COIL: variants seen among roughly 807,000 people sequenced by gnomAD.
COIL encodes coilin p80.
COIL carries 28 observed loss-of-function variants against 51.6 expected under a neutral mutation model. The observed-to-expected ratio is 0.54, with a 90% confidence interval of 0.40 to 0.74. The LOEUF (loss-of-function observed/expected upper bound fraction) is 0.74, where lower values mean the gene tolerates loss of function less well. COIL is among the 30% of genes least tolerant of loss of function. The pLI is 0.00. For missense variants in COIL, 667 were observed against 685.9 expected (o/e 0.97, Z 0.31); for synonymous variants, 233 against 255.8 (o/e 0.91, Z 0.85).
At chr17:56,951,476 CTTTAA>C (rs1052925739) in intron 1 of COIL, 1 of 153,564 alleles carries the variant, frequency 6.5e-6, no homozygotes, top group African/African-American at 2.4e-5. Context: ...GGGCTTCTTT[CTTTAA>C]TAAGATTTTA....
chr17:56,951,383 T>G (rs1910366680), intron 1 of COIL: 1 of 167,172 alleles, frequency 6.0e-6, no homozygotes, highest in African/African-American at 2.4e-5. Flanking sequence ...TTGTCTAACT[T>G]CAAACTCACA....
intron 5 of COIL, among the ~76,000 whole-genome samples, chr17:56,944,679 G>A (rs966335879): frequency 6.6e-6 from 1 of 151,866 alleles, no homozygotes; most frequent in South Asian, 2.1e-4. Flanking sequence ...AAACTCTTTC[G>A]ACTGATTTCT....
intron 6 of COIL, chr17:56,940,133 A>C (rs1338022667): frequency 6.6e-6 from 1 of 152,028 alleles, no homozygotes; most frequent in Admixed American, 6.6e-5. Context: ...ATAGGGTATC[A>C]CGTCTATAGT....
rs779677227 is a variant in COIL at position 56,950,797 on chromosome 17, C to T, written c.445G>A (p.Glu149Lys). ...NNNNEKVLDL[E>K]PKAVTDQTVS... ...GTCTGATCTGTGACAGCTTTTGGTTCCAGATCCAAGACCTTCTCATTATTG... is the reference window on the plus strand; with the variant it reads ...GTCTGATCTGTGACAGCTTTTGGTTTCAGATCCAAGACCTTCTCATTATTG... The change falls in exon 2 of 7, where the codon GAA becomes AAA. Residue 149 changes from glutamate (E) to lysine (K), a missense_variant. Glu to Lys is a moderately conservative substitution (Grantham distance 56). Transcript: ENST00000240316. The T allele has an allele frequency of 1.9e-6, 3 of 1,613,834 alleles. No homozygotes were observed. Among genetic ancestry groups the T allele is most frequent in the Non-Finnish European group, 2.5e-6 (3 of 1,180,000 alleles).
intron 1 of COIL, chr17:56,952,200 G>C (rs1249717351): frequency 2.0e-6 from 1 of 499,872 alleles, no homozygotes; most frequent in East Asian, 5.6e-5. Flanking sequence ...AAACTGTTGT[G>C]AACCTCACAG....
At chr17:56,941,834 G>C (rs1910154420) in intron 6 of COIL, among the ~76,000 whole-genome samples, 1 of 152,138 alleles carries the variant, frequency 6.6e-6, no homozygotes, top group Admixed American at 6.6e-5. Flanking sequence ...CACTCTTAAA[G>C]AAAAGTTTGT....
rs56914949 is a variant in COIL at position 56,945,020 on chromosome 17, TAAACAAAC to T, written c.1558+1414_1558+1421del. ...CGACAGCAACACTCCGTCTCAAAAA[TAAACAAAC>T]AAACAAACAAACAAACAAACAGAAA... On this transcript the variant is annotated intron_variant, in intron 5 of 6. Transcript: ENST00000240316. Among the ~76,000 whole-genome samples, 202 of 139,326 alleles carry T rather than the reference TAAACAAAC, an allele frequency of 1.4e-3. 1 individual carries two copies. The highest frequency in any genetic ancestry group is 4.4e-3 in the South Asian group (19 of 4,366). 91.4% of individuals were successfully genotyped at this position (139,326 alleles called of 152,430 possible).
At chr17:56,954,866 T>C (rs1247761755) in intron 1 of COIL, among the ~76,000 whole-genome samples, 1 of 151,860 alleles carries the variant, frequency 6.6e-6, no homozygotes, top group African/African-American at 2.4e-5. Context: ...GAAAAAGAAA[T>C]GGTTCTCCTG....
chr17:56,939,012 G>C lies in COIL; in HGVS notation c.*59C>G, dbSNP rs2332859. ...CCTCTTTAAAAAAAAAAAAAAGTTT[G>C]GGTTATAGTCACTTTCACAAACAAG... On this transcript the variant is annotated 3_prime_UTR_variant, in exon 7 of 7. Coordinates refer to ENST00000240316, the MANE Select transcript of COIL (RefSeq NM_004645.3). The C allele has an allele frequency of 1.0e-6, 1 of 956,666 alleles. No homozygotes were observed. The highest frequency in any genetic ancestry group is 1.6e-6 in the Non-Finnish European group (1 of 621,958). The allele number at this position is 956,666 out of a possible 1,614,324, so 59.3% of individuals were successfully genotyped here. A position where few individuals can be genotyped will look rare whatever the true frequency, so the allele number is the denominator to read the frequency against.
At chr17:56,944,840 AC>A (rs1459595721) in intron 5 of COIL, among the ~76,000 whole-genome samples, 6 of 150,984 alleles carry the variant, frequency 4.0e-5, no homozygotes, top group African/African-American at 1.5e-4. Context: ...ACATGGTAAA[AC>A]CCCGTCTCTA....
chr17:56,956,218 T>C (rs1394484953), intron 1 of COIL, among the ~76,000 whole-genome samples: 2 of 152,142 alleles, frequency 1.3e-5, no homozygotes, highest in Non-Finnish European at 2.9e-5. Context: ...ACTACAGCAA[T>C]ATGAAATGAG....
At chr17:56,939,207 CG>C (rs375236080) in intron 6 of COIL, 53 bp from the exon 7 acceptor site, 57 of 950,342 alleles carry the variant, frequency 6.0e-5, no homozygotes, top group Middle Eastern at 4.2e-4. Flanking sequence ...GAGGTCATAC[CG>C]GTTAATTCAG....
intron 3 of COIL, 117 bp from the exon 4 acceptor site, chr17:56,949,551 A>G (rs12942251): frequency 0.62 from 854,048 of 1,371,340 alleles, 270,283 homozygotes; most frequent in East Asian, 0.81. Context: ...GAGCCCTACC[A>G]GGAACCCGTA....
chr17:56,953,217 C>CT (rs1567853925), intron 1 of COIL, among the ~76,000 whole-genome samples: 3 of 151,330 alleles, frequency 2.0e-5, no homozygotes. Context: ...CGAGACCATC[C>CT]TGGCTAACAC....
At chr17:56,941,282 G>C (rs1910142903) in intron 6 of COIL, 2 of 152,230 alleles carry the variant, frequency 1.3e-5, no homozygotes, top group South Asian at 4.1e-4. Flanking sequence ...TCTCGGGCCA[G>C]GCATGGTGGC....
chr17:56,949,913 TACC>T lies in COIL; in HGVS notation c.1326_1328del (p.Val443del), dbSNP rs778334975. 1.1e-5 allele frequency: 18 copies of T among 1,613,696 alleles called. No individual in the cohort carries two copies. The highest frequency in any genetic ancestry group is 2.7e-5 in the African/African-American group (2 of 74,910). On this transcript the variant is annotated inframe_deletion, in exon 2 of 7. Coordinates refer to ENST00000240316, the MANE Select transcript of COIL (RefSeq NM_004645.3). Reference sequence around the variant, plus strand: ...CCTGGATAATAGTAGATGAATTTTTTACCACGTCATTTAATTGCTGTTGCCTCT... The same window carrying T: ...CCTGGATAATAGTAGATGAATTTTTTACGTCATTTAATTGCTGTTGCCTCT...
rs1428342523 is a variant in COIL, at chr17:56,942,713, A to T, written c.1559-590T>A. Among the ~76,000 whole-genome samples the T allele has an allele frequency of 2.6e-5, 4 of 152,074 alleles. No homozygotes were observed. The East Asian group carries it at 7.7e-4, about 29-fold the overall frequency. The stretch of plus-strand genomic sequence containing the variant: ...GTATTTTTAGTTGAGACAGGGTTTC[A>T]CCATGTTGGCCAGGTTGGTCTCAAA... On this transcript the variant is annotated intron_variant, in intron 5 of 6. Transcript: ENST00000240316.
rs1325988229 is a variant in COIL, at chr17:56,950,732, A to G, written c.510T>C (p.Cys170=). 2 of 1,613,616 alleles carry G rather than the reference A, an allele frequency of 1.2e-6. No homozygotes were observed. The highest frequency in any genetic ancestry group is 1.7e-6 in the Non-Finnish European group (2 of 1,179,974). The stretch of plus-strand genomic sequence containing the variant: ...CTTCGTTATCATCACCCACTGTGCC[A>G]CAGGTTGCTTTATTTTTTCTCTTGT... ...KKNKRKNKAT[C]GTVGDDNEEA... is the part of the protein sequence containing the mutation. The change falls in exon 2 of 7, where the codon TGT becomes TGC. Residue 170 remains cysteine, a synonymous_variant. Transcript: ENST00000240316.
intron 1 of COIL, among the ~76,000 whole-genome samples, chr17:56,954,668 GT>G (rs1332583144): frequency 1.3e-5 from 2 of 151,946 alleles, no homozygotes; most frequent in African/African-American, 2.4e-5. Flanking sequence ...AATAATTTCA[GT>G]TTTTAAAATA....
Sources: allele counts gnomAD v4.1 joint callset (sites outside exome capture counted in the v4.1 genomes callset), GRCh38; gene constraint gnomAD v4.1.1; transcripts MANE v1.5; gene names NCBI Gene and HGNC (gene_info 2026-07-23, HGNC 2026-07-21).